The following ACSM3 variants were observed in gnomAD, a reference collection of about 807,000 sequenced individuals.
The protein encoded by ACSM3 is acyl-coenzyme A synthetase ACSM3, mitochondrial.
Under a neutral mutation model 74.1 loss-of-function variants are expected in ACSM3, and 61 were observed. That is an observed-to-expected ratio of 0.82 (90% CI 0.67 to 1.02). The LOEUF is 1.02. Ranked by LOEUF, ACSM3 falls within the 50% of genes least tolerant of loss-of-function variation. The pLI, the probability that ACSM3 is intolerant of heterozygous loss-of-function variation, is 0.00. For missense variants in ACSM3, 660 were observed against 697.0 expected (o/e 0.95, Z 0.60); for synonymous variants, 213 against 241.5 (o/e 0.88, Z 1.09).
At chr16:20,771,824 A>C (rs949879322) in intron 2 of ACSM3, among the ~76,000 whole-genome samples, 9 of 152,208 alleles carry the variant, frequency 5.9e-5, no homozygotes, top group African/African-American at 2.2e-4. Flanking sequence ...TGTTTTCTGC[A>C]ATGGCTGTAC....
intron 1 of ACSM3, chr16:20,736,904 C>G: frequency 6.2e-7 from 1 of 1,614,132 alleles, no homozygotes; most frequent in Non-Finnish European, 8.5e-7. Context: ...TTTCATTTGA[C>G]TTGGATCCTT....
At chr16:20,758,820 G>A (rs1397236219) in intron 3 of ACSM3, among the ~76,000 whole-genome samples, 1 of 151,894 alleles carries the variant, frequency 6.6e-6, no homozygotes, top group African/African-American at 2.4e-5. Context: ...AGAGATTCTG[G>A]TATGTTGTGT....
chr16:20,706,962 C>T (rs1026037697), intron 1 of ACSM3, among the ~76,000 whole-genome samples: 12 of 152,110 alleles, frequency 7.9e-5, no homozygotes, highest in Non-Finnish European at 1.5e-4. Context: ...CAGCAGCAAC[C>T]CAAGAGCAAT....
At chr16:20,768,865 C>G (rs1440439442) in intron 1 of ACSM3, among the ~76,000 whole-genome samples, 2 of 152,148 alleles carry the variant, frequency 1.3e-5, no homozygotes, top group Non-Finnish European at 2.9e-5. Context: ...TGTCAGAGGG[C>G]TCAAGATCAC....
At chr16:20,780,491 G>A (rs1290355768) in intron 4 of ACSM3, 1 of 811,030 alleles carries the variant, frequency 1.2e-6, no homozygotes, top group Non-Finnish European at 1.9e-6. Flanking sequence ...TAGGAAAGCA[G>A]CTATTATAAA....
chr16:20,718,025 A>AGAAGAAGAG (rs1567323358), intron 1 of ACSM3, among the ~76,000 whole-genome samples: 11 of 149,140 alleles, frequency 7.4e-5, no homozygotes, highest in Non-Finnish European at 1.5e-5. Flanking sequence ...AAGAAGAAGA[A>AGAAGAAGAG]GAAAAGAAAG....
At chr16:20,774,269 G>A (rs547092761) in intron 2 of ACSM3, among the ~76,000 whole-genome samples, 10 of 127,366 alleles carry the variant, frequency 7.9e-5, no homozygotes, top group African/African-American at 1.2e-4. Context: ...TTGAGACAGC[G>A]TCTCACTCTG....
At chr16:20,786,456 G>A (rs767118433) in intron 9 of ACSM3, 69 of 404,032 alleles carry the variant, frequency 1.7e-4, no homozygotes, top group Non-Finnish European at 2.5e-4. Flanking sequence ...CAAGGCGGGA[G>A]CATCACTTGA....
Position 20,792,018 on chromosome 16 carries a change from C to T in ACSM3, c.1343C>T (p.Thr448Ile), listed in dbSNP as rs1404879600. 8 of 1,613,584 alleles carry T rather than the reference C, an allele frequency of 5.0e-6. No individual in the cohort carries two copies. Among genetic ancestry groups the T allele is most frequent in the East Asian group, 2.2e-5 (1 of 44,870 alleles). Residue 448 changes from threonine (T) to isoleucine (I), a missense_variant, in exon 11 of 14, where the codon ACA becomes ATA. Coordinates refer to ENST00000289416, the MANE Select transcript of ACSM3 (RefSeq NM_005622.4). The stretch of plus-strand genomic sequence containing the variant: ...GTTTTGCAGGATAATCCTTCAAAAA[C>T]AGCTTCAACTCTACGAGGCAATTTC... ...FTHYVDNPSK[T>I]ASTLRGNFYI...
intron 6 of ACSM3, 116 bp downstream of exon 6, chr16:20,781,246 G>A (rs917366505): frequency 5.4e-6 from 7 of 1,292,570 alleles, no homozygotes; most frequent in Non-Finnish European, 6.4e-6. Context: ...TTTAAGATAT[G>A]TCACATCCAG....
At chr16:20,701,580 T>C (rs1174851530) in intron 1 of ACSM3, among the ~76,000 whole-genome samples, 1 of 152,148 alleles carries the variant, frequency 6.6e-6, no homozygotes, top group African/African-American at 2.4e-5. Context: ...AACATGCAGA[T>C]TTGTTACACA....
intron 7 of ACSM3, among the ~76,000 whole-genome samples, chr16:20,782,440 T>TA (rs1375518483): frequency 6.6e-6 from 1 of 152,176 alleles, no homozygotes; most frequent in Non-Finnish European, 1.5e-5. Flanking sequence ...ATATCATTCT[T>TA]ACGCTATTGC....
chr16:20,774,239 C>CTTTTTTT (rs71377684), intron 2 of ACSM3, among the ~76,000 whole-genome samples: 24 of 113,998 alleles, frequency 2.1e-4, no homozygotes, highest in African/African-American at 2.7e-4. Flanking sequence ...TTTTCTGTGT[C>CTTTTTTT]TTTTTTTTTT....
At chr16:20,690,918 C>T in intron 1 of ACSM3, 2 of 1,423,536 alleles carry the variant, frequency 1.4e-6, no homozygotes, top group Non-Finnish European at 1.9e-6. Flanking sequence ...TGGTTCCATA[C>T]CTTTCAGCCT....
At chr16:20,763,960 G>A (rs1177462910), upstream of ACSM3, 1 of 152,204 alleles carries the variant, frequency 6.6e-6, no homozygotes, top group East Asian at 1.9e-4. Flanking sequence ...CACCAATCAA[G>A]GAAAGTGTTT....
chr16:20,685,202 T>C, intron 1 of ACSM3: 3 of 1,614,162 alleles, frequency 1.9e-6, no homozygotes, highest in Non-Finnish European at 2.5e-6. Context: ...CCTGTTCGCA[T>C]GCAGCCCACA....
Position 20,790,686 on chromosome 16 carries a change from G to C in ACSM3, c.1324G>C (p.Val442Leu). ...ACCATTTGGCCTTTTTACTCATTAC[G>C]TAGTAAGTGACTTACTAAATAATCT... is the stretch of plus-strand genomic sequence containing the variant. ...NRPFGLFTHYVDNPSKTASTL... is the reference protein window; with the variant it reads ...NRPFGLFTHYLDNPSKTASTL... Residue 442 changes from valine to leucine, a missense_variant and splice_region_variant, in exon 10 of 14, where the codon GTA (valine) becomes CTA (leucine). Coordinates refer to ENST00000289416, the MANE Select transcript of ACSM3 (RefSeq NM_005622.4). The surrounding 1 kb of genome is among the most constrained non-coding windows in gnomAD (Gnocchi z 4.0). 2 of 1,613,362 alleles carry C rather than the reference G, an allele frequency of 1.2e-6. No individual in the cohort carries two copies. The highest frequency in any genetic ancestry group is 1.7e-6 in the Non-Finnish European group (2 of 1,179,352).
Position 20,792,270 on chromosome 16 carries a change from C to CTGAA in ACSM3, c.1494_1497dup (p.His500Ter), listed in dbSNP as rs760714187. The CTGAA allele has an allele frequency of 4.3e-6, 7 of 1,614,084 alleles. No homozygotes were observed. In the South Asian group the frequency reaches 6.6e-5, roughly 15 times the overall value. On this transcript the variant is annotated frameshift_variant, in exon 12 of 14. Transcript: ENST00000289416. LOFTEE classifies it high-confidence loss of function. ...TGGACCATTTGAGGTAGAAAATGCC[C>CTGAA]TGAATGAACACCCTTCAGTTGCAGA...
Position 20,785,065 on chromosome 16 carries a change from G to C in ACSM3, c.1101G>C (p.Lys367Asn), listed in dbSNP as rs5716. The C allele has an allele frequency of 0.085, 137,754 of 1,613,360 alleles. 6,644 individuals carry two copies. Among genetic ancestry groups the C allele is most frequent in the East Asian group, 0.2 (8,883 of 44,814 alleles). ...ACGTGACTGAAAAATGGAGAAACAAGACGGGCCTGGATATCTACGAAGGAT... is the reference window on the plus strand; with the variant it reads ...ACGTGACTGAAAAATGGAGAAACAACACGGGCCTGGATATCTACGAAGGAT... ...TPDVTEKWRN[K>N]TGLDIYEGYG... Residue 367 changes from lysine to asparagine, a missense_variant, in exon 8 of 14, where the codon AAG becomes AAC. Coordinates refer to ENST00000289416, the MANE Select transcript of ACSM3 (RefSeq NM_005622.4).
Sources: gnomAD v4.1 joint callset for allele counts (sites outside exome capture counted in the v4.1 genomes callset) on GRCh38, gnomAD v4.1.1 for gene constraint, Gnocchi (gnomAD v3.1) non-coding constraint, MANE v1.5 for transcripts, NCBI Gene and HGNC (gene_info 2026-07-23, HGNC 2026-07-21) for gene names.